The following SGCD variants were observed in gnomAD, a reference collection of about 807,000 sequenced individuals.
SGCD encodes the protein delta-sarcoglycan.
SGCD carries 18 observed loss-of-function variants against 36.6 expected under a neutral mutation model. That is an observed-to-expected ratio of 0.49 (90% CI 0.34 to 0.73). The LOEUF (loss-of-function observed/expected upper bound fraction) is 0.73. Among genes scored for constraint, SGCD ranks in the 30% least tolerant of loss-of-function variants. The pLI is 0.01. For synonymous variants in SGCD, 133 were observed against 130.6 expected (o/e 1.02, Z -0.12); for missense variants, 387 against 346.7 (o/e 1.12, Z -0.92).
chr5:156,079,018 T>TAAA (rs575699645), intron 1 of SGCD, among the ~76,000 whole-genome samples: 2 of 102,462 alleles, frequency 2.0e-5, no homozygotes, highest in Non-Finnish European at 4.2e-5. Context: ...GGGTAATTTG[T>TAAA]AAAAAAAAAA....
chr5:155,910,496 C>G (rs528872522), intron 1 of SGCD, among the ~76,000 whole-genome samples: 50 of 152,048 alleles, frequency 3.3e-4, no homozygotes, highest in Non-Finnish European at 5.7e-4. Flanking sequence ...CATTAGATCC[C>G]CCAGCACAGG....
chr5:156,494,917 T>A (rs948951857), intron 3 of SGCD, among the ~76,000 whole-genome samples: 1 of 152,136 alleles, frequency 6.6e-6, no homozygotes, highest in African/African-American at 2.4e-5. Flanking sequence ...AGACAACTTA[T>A]TGGACCTCCA....
At chr5:156,130,382 A>G (rs1007163520) in intron 3 of SGCD, among the ~76,000 whole-genome samples, 1 of 152,206 alleles carries the variant, frequency 6.6e-6, no homozygotes, top group Admixed American at 6.5e-5. Context: ...GCTGGACATT[A>G]GACCTTTGTC....
At chr5:156,448,682 CATT>C (rs1753851862) in intron 3 of SGCD, among the ~76,000 whole-genome samples, 1 of 142,880 alleles carries the variant, frequency 7.0e-6, no homozygotes, top group Non-Finnish European at 1.5e-5. Context: ...GCAGAAATAA[CATT>C]ATCCATGGGT....
the SGCD span, among the ~76,000 whole-genome samples, chr5:155,855,862 G>A: frequency 6.6e-5 from 10 of 152,108 alleles, no homozygotes; most frequent in Non-Finnish European, 1.2e-4. Context: ...TGCACAGAGA[G>A]AGGATAATCC....
At chr5:156,563,613 A>G (rs1407536326) in intron 4 of SGCD, among the ~76,000 whole-genome samples, 2 of 152,204 alleles carry the variant, frequency 1.3e-5, no homozygotes, top group Non-Finnish European at 2.9e-5. Flanking sequence ...GAGATTTGCC[A>G]TACTTAGTCT....
chr5:156,721,345 G>A (rs1304321341), intron 7 of SGCD, among the ~76,000 whole-genome samples: 1 of 152,170 alleles, frequency 6.6e-6, no homozygotes, highest in East Asian at 1.9e-4. Flanking sequence ...CAGTATATAA[G>A]TCTAATAAAG....
upstream of SGCD, among the ~76,000 whole-genome samples, chr5:155,866,827 C>T (rs924147083): frequency 1.3e-5 from 2 of 152,156 alleles, no homozygotes; most frequent in Non-Finnish European, 2.9e-5. Flanking sequence ...TTGGTCTCCC[C>T]TCCTCCCCTC....
At chr5:156,396,901 G>A (rs114551177) in intron 3 of SGCD, among the ~76,000 whole-genome samples, 2,077 of 152,300 alleles carry the variant, frequency 0.014, 22 homozygotes, top group Non-Finnish European at 0.023. Flanking sequence ...TAAAGCTAGG[G>A]CTCAGTCCCA....
At chr5:156,131,742 AT>A (rs1306684365) in intron 3 of SGCD, among the ~76,000 whole-genome samples, 1 of 152,224 alleles carries the variant, frequency 6.6e-6, no homozygotes, top group Non-Finnish European at 1.5e-5. Context: ...TTGAGGAAAA[AT>A]TGTCATTAAA....
At chr5:156,157,379 T>A (rs1192655588) in intron 3 of SGCD, among the ~76,000 whole-genome samples, 4 of 151,708 alleles carry the variant, frequency 2.6e-5, no homozygotes, top group Non-Finnish European at 5.9e-5. Context: ...TAGTTAGGAA[T>A]AAACAGAGCC....
chr5:156,346,045 T>C (rs1768918269), intron 3 of SGCD, among the ~76,000 whole-genome samples: 1 of 152,042 alleles, frequency 6.6e-6, no homozygotes, highest in South Asian at 2.1e-4. Flanking sequence ...AAACTGAACT[T>C]TGAGAAAGGC....
At chr5:156,671,229 G>T (rs183881090) in intron 7 of SGCD, among the ~76,000 whole-genome samples, 2 of 148,376 alleles carry the variant, frequency 1.3e-5, no homozygotes, top group African/African-American at 4.9e-5. Context: ...TTTCCAATTG[G>T]AGCTTTATCA....
rs559284101 is a variant in SGCD at position 156,618,546 on chromosome 5, G to A, written c.502+23495G>A. Among the ~76,000 whole-genome samples the A allele has an allele frequency of 4.0e-5, 6 of 150,270 alleles. No homozygotes were observed. The South Asian group carries it at 1.3e-3, about 32-fold the overall frequency. ...AATTCTACAATATAGAAATAATAAT[G>A]GGGTTTCATTTGAAATGCTACAGGG... On this transcript the variant is annotated intron_variant, in intron 6 of 8. Transcript: ENST00000337851.
intron 4 of SGCD, among the ~76,000 whole-genome samples, chr5:156,531,578 G>T (rs982836073): frequency 6.6e-6 from 1 of 152,118 alleles, no homozygotes. Context: ...TCACAGGGTC[G>T]GTGGTCCTGT....
At chr5:156,113,342 T>C (rs573609466) in intron 1 of SGCD, among the ~76,000 whole-genome samples, 37 of 152,310 alleles carry the variant, frequency 2.4e-4, no homozygotes, top group Admixed American at 3.9e-4. Context: ...CATTTATTTA[T>C]TTATTTATCT....
chr5:156,108,385 G>C (rs1405405992), intron 1 of SGCD, among the ~76,000 whole-genome samples: 1 of 151,908 alleles, frequency 6.6e-6, no homozygotes, highest in Non-Finnish European at 1.5e-5. Context: ...GTAAAATTTG[G>C]GCAAGCTATT....
the SGCD span, among the ~76,000 whole-genome samples, chr5:155,788,202 TG>T: frequency 6.6e-6 from 1 of 152,174 alleles, no homozygotes; most frequent in Non-Finnish European, 1.5e-5. Context: ...TCTCAAAACA[TG>T]GTTTTTAATA....
chr5:155,969,985 A>AT (rs1320766744), intron 1 of SGCD, among the ~76,000 whole-genome samples: 2 of 151,790 alleles, frequency 1.3e-5, no homozygotes, highest in Admixed American at 1.3e-4. Context: ...GTTTTAGCTT[A>AT]TTGTCTTTGT....
Sources: allele counts gnomAD v4.1 joint callset (sites outside exome capture counted in the v4.1 genomes callset), GRCh38; gene constraint gnomAD v4.1.1; transcripts MANE v1.5; gene names NCBI Gene and HGNC (gene_info 2026-07-23, HGNC 2026-07-21).